The following CTNNB1 variants were observed in gnomAD, a reference collection of about 807,000 sequenced individuals.
CTNNB1 encodes catenin beta 1.
Under a neutral mutation model 82.5 loss-of-function variants are expected in CTNNB1, and 6 were observed. The ratio of observed to expected loss-of-function variants is 0.07; its 90% CI spans 0.04 to 0.14. The LOEUF (loss-of-function observed/expected upper bound fraction) is 0.14. Ranked by LOEUF, CTNNB1 falls within the 10% of genes least tolerant of loss-of-function variation. The pLI, the probability that CTNNB1 is intolerant of heterozygous loss-of-function variation, is 1.00. For synonymous variants in CTNNB1, 312 were observed against 329.7 expected (o/e 0.95, Z 0.58); for missense variants, 529 against 980.4 (o/e 0.54, Z 6.15).
At chr3:41,237,053 A>G in intron 13 of CTNNB1, 2 of 414,790 alleles carry the variant, frequency 4.8e-6, no homozygotes, top group South Asian at 8.4e-5. Context: ...AGTATTTTTT[A>G]CTAAACTTTA....
chr3:41,236,052 G>T (rs892909542), intron 11 of CTNNB1: 5 of 714,832 alleles, frequency 7.0e-6, no homozygotes, highest in South Asian at 3.6e-5. Context: ...GGTGCCTAGA[G>T]GGGAGAGCTG....
intron 1 of CTNNB1, chr3:41,200,341 A>G (rs2077498380): frequency 6.6e-6 from 1 of 152,168 alleles, no homozygotes; most frequent in Non-Finnish European, 1.5e-5. Context: ...GAGCACATAA[A>G]AAATCCATGT....
chr3:41,210,092 C>A (rs1406376564), intron 1 of CTNNB1, among the ~76,000 whole-genome samples: 1 of 152,140 alleles, frequency 6.6e-6, no homozygotes, highest in Non-Finnish European at 1.5e-5. Flanking sequence ...CAAAAATTTT[C>A]TTTATATCTT....
At chr3:41,201,387 C>T (rs1299297931) in intron 1 of CTNNB1, among the ~76,000 whole-genome samples, 3 of 152,074 alleles carry the variant, frequency 2.0e-5, no homozygotes, top group African/African-American at 4.8e-5. Flanking sequence ...TGAGGATGTC[C>T]TTTCACACCA....
chr3:41,204,250 G>C (rs75111096), intron 1 of CTNNB1, among the ~76,000 whole-genome samples: 2 of 152,036 alleles, frequency 1.3e-5, no homozygotes, highest in South Asian at 2.1e-4. Flanking sequence ...ATAAGCTTCT[G>C]TTCTGATTTT....
chr3:41,238,276 G>A, intron 14 of CTNNB1, 200 bp downstream of exon 14: 1 of 601,052 alleles, frequency 1.7e-6, no homozygotes, highest in East Asian at 2.8e-5. Context: ...ATGAGTAGCA[G>A]TAGGATTACA....
At chr3:41,204,513 C>T (rs1267090538) in intron 1 of CTNNB1, among the ~76,000 whole-genome samples, 1 of 151,660 alleles carries the variant, frequency 6.6e-6, no homozygotes, top group Non-Finnish European at 1.5e-5. Flanking sequence ...GTCTCCAGGG[C>T]CAGTTAGGTA....
chr3:41,204,236 G>T (rs1371757469), intron 1 of CTNNB1, among the ~76,000 whole-genome samples: 1 of 152,010 alleles, frequency 6.6e-6, no homozygotes, highest in Non-Finnish European at 1.5e-5. Context: ...AGCATTTACT[G>T]TCTATAAGCT....
intron 6 of CTNNB1, 48 bp from the exon 7 acceptor site, chr3:41,227,160 G>T: frequency 6.7e-7 from 1 of 1,489,674 alleles, no homozygotes; most frequent in Non-Finnish European, 9.3e-7. Context: ...TCTCAGACAT[G>T]TGATCAAGAT....
chr3:41,214,468 T>C (rs1375752464), intron 1 of CTNNB1, among the ~76,000 whole-genome samples: 1 of 152,200 alleles, frequency 6.6e-6, no homozygotes, highest in African/African-American at 2.4e-5. Flanking sequence ...CTGCTTTTAA[T>C]GGCCTGAAAT....
intron 1 of CTNNB1, among the ~76,000 whole-genome samples, chr3:41,208,688 C>T (rs539388320): frequency 5.9e-5 from 9 of 152,284 alleles, no homozygotes; most frequent in African/African-American, 1.7e-4. Context: ...TCTCTTGTAT[C>T]TATGACCATG....
At chr3:41,222,611 G>A (rs1340328190) in intron 1 of CTNNB1, among the ~76,000 whole-genome samples, 5 of 152,110 alleles carry the variant, frequency 3.3e-5, no homozygotes, top group East Asian at 1.9e-4. Flanking sequence ...TATAAATTGC[G>A]GTCAAGTTAC....
intron 7 of CTNNB1, among the ~76,000 whole-genome samples, chr3:41,230,325 T>C (rs190456902): frequency 1.8e-4 from 28 of 152,310 alleles, no homozygotes; most frequent in African/African-American, 6.3e-4. Flanking sequence ...GAGTGTTAAT[T>C]TTTATATCAA....
At chr3:41,236,057 G>C (rs751119162) in intron 11 of CTNNB1, 52 of 704,394 alleles carry the variant, frequency 7.4e-5, no homozygotes, top group Non-Finnish European at 1.0e-4. Flanking sequence ...CTAGAGGGGA[G>C]AGCTGACCTG....
chr3:41,233,383 A>G lies in CTNNB1; in HGVS notation c.1124A>G (p.Gln375Arg). 6.2e-7 allele frequency: 1 copy of G among 1,614,226 alleles called. No individual in the cohort carries two copies. The highest frequency in any genetic ancestry group is 8.5e-7 in the Non-Finnish European group (1 of 1,180,048). Reference sequence around the variant, plus strand: ...GGACTTCACCTGACAGATCCAAGTCAACGTCTTGTTCAGAACTGTCTTTGG... The same window carrying G: ...GGACTTCACCTGACAGATCCAAGTCGACGTCTTGTTCAGAACTGTCTTTGG... ...ALGLHLTDPSQRLVQNCLWTL... is the reference protein window; with the variant it reads ...ALGLHLTDPSRRLVQNCLWTL... Residue 375 changes from glutamine (Q) to arginine (R), a missense_variant, in exon 8 of 15, where the codon CAA (glutamine) becomes CGA (arginine). By Grantham distance (43) the Gln-to-Arg change is conservative (BLOSUM62 1). Coordinates refer to ENST00000349496, the MANE Select transcript of CTNNB1 (RefSeq NM_001904.4).
chr3:41,235,373 A>G, intron 10 of CTNNB1: 1 of 270,674 alleles, frequency 3.7e-6, no homozygotes, highest in East Asian at 8.5e-5. Context: ...GGGGGCATGT[A>G]AAAGAAAAAC....
chr3:41,234,865 C>T (rs1297352626), intron 10 of CTNNB1: 2 of 162,918 alleles, frequency 1.2e-5, no homozygotes, highest in African/African-American at 4.8e-5. Flanking sequence ...TTTCTGATTT[C>T]TCAGACTTTA....
chr3:41,213,380 C>G (rs929982139), intron 1 of CTNNB1, among the ~76,000 whole-genome samples: 1 of 152,260 alleles, frequency 6.6e-6, no homozygotes, highest in East Asian at 1.9e-4. Flanking sequence ...CCCTTCCTTC[C>G]ACTTCTGCTG....
In CTNNB1 at chr3:41,219,464, A is replaced by G. The variant is rs151104247; in HGVS notation, c.-48-4557A>G. Among the ~76,000 whole-genome samples the G allele has an allele frequency of 5.8e-3, 879 of 152,352 alleles. 3 individuals are homozygous for G. The highest frequency in any genetic ancestry group is 0.01 in the Non-Finnish European group (707 of 68,040). On this transcript the variant is annotated intron_variant, in intron 1 of 14. Coordinates refer to ENST00000349496, the MANE Select transcript of CTNNB1 (RefSeq NM_001904.4). ...GGGGCTTTTTATGTATACTGTATAC[A>G]TGTACTTCACAAAAATATAAAAGGA...
Sources: gnomAD v4.1 joint callset for allele counts (sites outside exome capture counted in the v4.1 genomes callset) on GRCh38, gnomAD v4.1.1 for gene constraint, MANE v1.5 for transcripts, NCBI Gene and HGNC (gene_info 2026-07-23, HGNC 2026-07-21) for gene names.